TNNI3K: variants seen among roughly 807,000 people sequenced by gnomAD.
The protein encoded by TNNI3K is serine/threonine-protein kinase TNNI3K.
A neutral mutation model predicts 114.5 loss-of-function variants in TNNI3K; 140 were observed. That is an observed-to-expected ratio of 1.22 (90% confidence interval 1.07 to 1.41). The LOEUF (loss-of-function observed/expected upper bound fraction) is 1.41. TNNI3K is among the 40% of genes most tolerant of loss of function. The pLI, the probability that TNNI3K is intolerant of heterozygous loss-of-function variation, is 0.00. For missense variants in TNNI3K, 1,125 were observed against 1,007.6 expected (o/e 1.12, Z -1.58); for synonymous variants, 347 against 347.5 (o/e 1.00, Z 0.02).
At chr1:74,256,798 T>A (rs1293069785) in intron 4 of TNNI3K, among the ~76,000 whole-genome samples, 1 of 152,120 alleles carries the variant, frequency 6.6e-6, no homozygotes, top group Non-Finnish European at 1.5e-5. Context: ...CATCTATACA[T>A]GATAAGAACC....
intron 19 of TNNI3K, among the ~76,000 whole-genome samples, chr1:74,438,618 G>A (rs1666239234): frequency 6.6e-6 from 1 of 152,046 alleles, no homozygotes; most frequent in Non-Finnish European, 1.5e-5. Context: ...TCAGTAAGTG[G>A]TAGAGCCAGA....
At chr1:74,498,225 A>G (rs1669433536) in intron 23 of TNNI3K, among the ~76,000 whole-genome samples, 1 of 152,222 alleles carries the variant, frequency 6.6e-6, no homozygotes, top group Non-Finnish European at 1.5e-5. Flanking sequence ...CTATCACTGT[A>G]TCTTAACAGT....
chr1:74,338,323 T>C (rs1482932411), intron 7 of TNNI3K, among the ~76,000 whole-genome samples: 6 of 152,054 alleles, frequency 3.9e-5, no homozygotes, highest in Non-Finnish European at 7.4e-5. Flanking sequence ...AATCAGTTGA[T>C]AGAATAGAAT....
At chr1:74,519,304 C>A (rs1646397598) in intron 23 of TNNI3K, among the ~76,000 whole-genome samples, 1 of 84,806 alleles carries the variant, frequency 1.2e-5, no homozygotes, top group Non-Finnish European at 2.2e-5. Flanking sequence ...TGGGTTGGTT[C>A]TAAGTCTTTG....
At chr1:74,241,171 A>G (rs1049654118) in intron 2 of TNNI3K, among the ~76,000 whole-genome samples, 6 of 152,138 alleles carry the variant, frequency 3.9e-5, no homozygotes, top group Admixed American at 1.3e-4. Flanking sequence ...CCAGTCTATC[A>G]TTGTTGGACA....
At chr1:74,462,996 C>T (rs1667514684) in intron 20 of TNNI3K, among the ~76,000 whole-genome samples, 1 of 152,140 alleles carries the variant, frequency 6.6e-6, no homozygotes, top group Admixed American at 6.5e-5. Context: ...CTACTTTGCT[C>T]AAGTGATACA....
chr1:74,449,385 T>G (rs924340665), intron 20 of TNNI3K, among the ~76,000 whole-genome samples: 7 of 151,846 alleles, frequency 4.6e-5, no homozygotes, highest in Non-Finnish European at 1.0e-4. Context: ...TAGCGGTCTA[T>G]CAATTTTGTT....
At chr1:74,239,913 G>T (rs537215276) in intron 2 of TNNI3K, 2 of 469,034 alleles carry the variant, frequency 4.3e-6, no homozygotes, top group East Asian at 1.4e-4. Flanking sequence ...TTCATCTTCT[G>T]CTATAAAGTT....
chr1:74,242,522 C>G (rs1005392057), intron 2 of TNNI3K, among the ~76,000 whole-genome samples: 1 of 152,046 alleles, frequency 6.6e-6, no homozygotes, highest in Non-Finnish European at 1.5e-5. Flanking sequence ...TCAAGCTGAT[C>G]TTATTTAAGA....
At chr1:74,430,672 C>G (rs1370969149) in intron 17 of TNNI3K, among the ~76,000 whole-genome samples, 1 of 152,108 alleles carries the variant, frequency 6.6e-6, no homozygotes, top group African/African-American at 2.4e-5. Flanking sequence ...CTGTGAAAGA[C>G]AGACACTTCA....
At chr1:74,538,364 G>A (rs3845347) in intron 23 of TNNI3K, among the ~76,000 whole-genome samples, 62,056 of 151,706 alleles carry the variant, frequency 0.41, 15,005 homozygotes, top group Non-Finnish European at 0.56. Context: ...TGACTGGGGG[G>A]TAGAATGTCA....
intron 17 of TNNI3K, among the ~76,000 whole-genome samples, chr1:74,415,937 C>T (rs1020573398): frequency 1.3e-5 from 2 of 152,038 alleles, no homozygotes; most frequent in Non-Finnish European, 2.9e-5. Flanking sequence ...AAGGAATATG[C>T]TTTAGATAAT....
intron 23 of TNNI3K, among the ~76,000 whole-genome samples, chr1:74,537,084 A>C (rs1051868726): frequency 2.0e-5 from 3 of 152,224 alleles, no homozygotes; most frequent in South Asian, 4.1e-4. Flanking sequence ...TCTCTTGGGC[A>C]AAAAGGTTAA....
At chr1:74,289,425 G>GT (rs1657533023) in intron 5 of TNNI3K, among the ~76,000 whole-genome samples, 2 of 151,926 alleles carry the variant, frequency 1.3e-5, no homozygotes, top group African/African-American at 4.8e-5. Context: ...ACAAAAGAGA[G>GT]TAATGGGGTT....
intron 17 of TNNI3K, among the ~76,000 whole-genome samples, chr1:74,422,954 G>A (rs984041357): frequency 7.2e-5 from 11 of 152,044 alleles, no homozygotes; most frequent in African/African-American, 2.7e-4. Context: ...GGTAACTTTC[G>A]GCTTTGTCTC....
At chr1:74,499,265 C>T (rs1669487452) in intron 23 of TNNI3K, among the ~76,000 whole-genome samples, 1 of 152,178 alleles carries the variant, frequency 6.6e-6, no homozygotes, top group Admixed American at 6.5e-5. Flanking sequence ...CCTGAGCCTC[C>T]TGAGTAGCTG....
intron 17 of TNNI3K, among the ~76,000 whole-genome samples, chr1:74,387,437 A>G (rs559866416): frequency 6.6e-6 from 1 of 152,374 alleles, no homozygotes; most frequent in Non-Finnish European, 1.5e-5. Flanking sequence ...TACACAAGAA[A>G]TTCCTGCTTT....
intron 5 of TNNI3K, among the ~76,000 whole-genome samples, chr1:74,303,626 A>G (rs373272715): frequency 7.2e-5 from 11 of 152,346 alleles, no homozygotes; most frequent in African/African-American, 2.6e-4. Flanking sequence ...CTGCAAAAAC[A>G]ATATCCATTC....
chr1:74,487,284 A>T (rs1202668480), intron 21 of TNNI3K, among the ~76,000 whole-genome samples: 2 of 152,176 alleles, frequency 1.3e-5, no homozygotes, highest in Non-Finnish European at 2.9e-5. Context: ...GGCAAATTTC[A>T]TCCACAGAAA....
Sources: gnomAD v4.1 joint callset for allele counts (sites outside exome capture counted in the v4.1 genomes callset) on GRCh38, gnomAD v4.1.1 for gene constraint, MANE v1.5 for transcripts, NCBI Gene and HGNC (gene_info 2026-07-23, HGNC 2026-07-21) for gene names.